The following SIPA1L3 variants were observed in gnomAD, a reference collection of about 807,000 sequenced individuals.
The protein encoded by SIPA1L3 is signal-induced proliferation-associated 1-like protein 3.
SIPA1L3 carries 59 observed loss-of-function variants against 150.1 expected under a neutral mutation model. The observed-to-expected ratio is 0.39, with a 90% CI of 0.32 to 0.49. The LOEUF (loss-of-function observed/expected upper bound fraction) is 0.49. Among genes scored for constraint, SIPA1L3 ranks in the 20% least tolerant of loss-of-function variants. SIPA1L3 has a pLI of 0.86. For synonymous variants in SIPA1L3, 1,070 were observed against 1,077.6 expected, an observed-to-expected ratio of 0.99 and a Z score of 0.14; for missense variants, 2,211 against 2,489.5, an observed-to-expected ratio of 0.89 and a Z score of 2.38.
intron 1 of SIPA1L3, among the ~76,000 whole-genome samples, chr19:38,012,468 C>A (rs1599902784): frequency 6.6e-6 from 1 of 152,220 alleles, no homozygotes; most frequent in Admixed American, 6.5e-5. Context: ...GTACAGGGAA[C>A]CTCCCCTGCT....
chr19:38,019,941 G>T (rs1269259234), intron 1 of SIPA1L3, among the ~76,000 whole-genome samples: 2 of 152,018 alleles, frequency 1.3e-5, no homozygotes, highest in Admixed American at 6.6e-5. Context: ...TTTTTAAAAA[G>T]CATTACCCAG....
At chr19:38,166,069 A>G (rs1341711779) in intron 15 of SIPA1L3, among the ~76,000 whole-genome samples, 1 of 152,094 alleles carries the variant, frequency 6.6e-6, no homozygotes, top group African/African-American at 2.4e-5. Context: ...GGCTGAGAAT[A>G]TGCATTAAGT....
intron 15 of SIPA1L3, among the ~76,000 whole-genome samples, chr19:38,181,865 GT>G (rs1279524939): frequency 6.8e-6 from 1 of 146,560 alleles, no homozygotes; most frequent in African/African-American, 2.6e-5. Context: ...AAAAAAAAAG[GT>G]TAAGGGCCAG....
intron 2 of SIPA1L3, among the ~76,000 whole-genome samples, chr19:38,035,727 TGATGATGA>T (rs1185897668): frequency 5.3e-5 from 8 of 151,772 alleles, no homozygotes; most frequent in African/African-American, 1.9e-4. Context: ...AATGAGATGA[TGATGATGA>T]GATGATGGTG....
At chr19:38,134,909 G>A (rs1445280300) in intron 10 of SIPA1L3, among the ~76,000 whole-genome samples, 1 of 152,050 alleles carries the variant, frequency 6.6e-6, no homozygotes, top group African/African-American at 2.4e-5. Context: ...GGACCTGCAT[G>A]GCTGCAGCAG....
chr19:38,199,151 G>T (rs1568607792), intron 19 of SIPA1L3, among the ~76,000 whole-genome samples: 1 of 151,760 alleles, frequency 6.6e-6, no homozygotes, highest in Non-Finnish European at 1.5e-5. Flanking sequence ...AGTGGACAGG[G>T]TTTGCTCTGC....
intron 9 of SIPA1L3, 99 bp downstream of exon 9, chr19:38,119,981 C>T (rs546164582): frequency 5.0e-5 from 38 of 761,942 alleles, no homozygotes; most frequent in South Asian, 4.1e-4. Context: ...GGCTAAGACA[C>T]GCACTGGCCC....
intron 1 of SIPA1L3, among the ~76,000 whole-genome samples, chr19:37,928,879 G>A (rs1379809509): frequency 6.6e-6 from 1 of 152,178 alleles, no homozygotes; most frequent in Non-Finnish European, 1.5e-5. Context: ...GTTCCACAAT[G>A]CCTGCAGGGA....
At chr19:37,983,515 AC>A (rs765872640) in intron 1 of SIPA1L3, among the ~76,000 whole-genome samples, 1 of 151,208 alleles carries the variant, frequency 6.6e-6, no homozygotes, top group Non-Finnish European at 1.5e-5. Context: ...ATGAAGAGTA[AC>A]CGAGTCTTAG....
intron 1 of SIPA1L3, among the ~76,000 whole-genome samples, chr19:37,964,437 G>A (rs1430894995): frequency 6.6e-6 from 1 of 151,926 alleles, no homozygotes; most frequent in East Asian, 1.9e-4. Flanking sequence ...GAAACACAAC[G>A]GTGATATAAT....
intron 1 of SIPA1L3, among the ~76,000 whole-genome samples, chr19:37,953,227 C>T (rs1357723525): frequency 6.6e-6 from 1 of 152,154 alleles, no homozygotes; most frequent in Non-Finnish European, 1.5e-5. Context: ...TTTAAGTCTG[C>T]AGTTTTTTTC....
chr19:38,036,511 C>T (rs1968792410), intron 2 of SIPA1L3, among the ~76,000 whole-genome samples: 1 of 152,166 alleles, frequency 6.6e-6, no homozygotes, highest in Non-Finnish European at 1.5e-5. Context: ...AGCACAGAGT[C>T]GCAGCTCCGT....
intron 1 of SIPA1L3, among the ~76,000 whole-genome samples, chr19:38,013,379 A>G (rs1968152493): frequency 1.3e-5 from 2 of 152,192 alleles, no homozygotes; most frequent in African/African-American, 4.8e-5. Flanking sequence ...CATGTGAATC[A>G]CTGCAGCCTT....
chr19:37,951,822 A>G (rs1355779253), intron 1 of SIPA1L3, among the ~76,000 whole-genome samples: 7 of 138,028 alleles, frequency 5.1e-5, no homozygotes, highest in Admixed American at 1.6e-4. Context: ...ACTTGAACCC[A>G]GGAGGCGGAG....
At chr19:38,122,151 G>A (rs1336545028) in intron 9 of SIPA1L3, among the ~76,000 whole-genome samples, 2 of 152,012 alleles carry the variant, frequency 1.3e-5, no homozygotes, top group Non-Finnish European at 2.9e-5. Flanking sequence ...AATCCGAGAG[G>A]CAGAGGTTGC....
At chr19:38,132,997 G>A (rs2145923093) in intron 10 of SIPA1L3, among the ~76,000 whole-genome samples, 1 of 152,296 alleles carries the variant, frequency 6.6e-6, no homozygotes, top group African/African-American at 2.4e-5. Context: ...TGTCCTTAGA[G>A]CTTCCCCCTT....
chr19:38,199,486 G>A lies in SIPA1L3; in HGVS notation c.4984+954G>A, dbSNP rs373000037. On this transcript the variant is annotated intron_variant, in intron 19 of 21. Transcript: ENST00000222345. The stretch of plus-strand genomic sequence containing the variant: ...CATGCCTGGGAGCTGTGCGCCCCAT[G>A]TGAGAAAGCTGAGGGAGCCTGGCTG... Among the ~76,000 whole-genome samples the A allele has an allele frequency of 2.2e-4, 34 of 152,330 alleles. No individual in the cohort carries two copies. In the South Asian group the frequency reaches 7.0e-3, roughly 32 times the overall value.
chr19:38,092,722 G>A (rs565686248), intron 4 of SIPA1L3, among the ~76,000 whole-genome samples: 3 of 152,340 alleles, frequency 2.0e-5, no homozygotes, highest in South Asian at 2.1e-4. Context: ...AAAGATGCTC[G>A]TGAGACTGGG....
intron 1 of SIPA1L3, among the ~76,000 whole-genome samples, chr19:38,003,203 C>T (rs1020461106): frequency 1.3e-5 from 2 of 152,112 alleles, no homozygotes; most frequent in Non-Finnish European, 2.9e-5. Context: ...CAACTGAAGA[C>T]CCTACTCTGG....
Sources: allele counts gnomAD v4.1 joint callset (sites outside exome capture counted in the v4.1 genomes callset), GRCh38; gene constraint gnomAD v4.1.1; transcripts MANE v1.5; gene names NCBI Gene and HGNC (gene_info 2026-07-23, HGNC 2026-07-21).